NINJ2: variants seen among roughly 807,000 people sequenced by gnomAD.
The protein encoded by NINJ2 is ninjurin 2.
A neutral mutation model predicts 11.7 loss-of-function variants in NINJ2; 12 were observed. That is an observed-to-expected ratio of 1.02 (90% confidence interval 0.66 to 1.66). The LOEUF is 1.66. Among genes scored for constraint, NINJ2 ranks in the 40% most tolerant of loss-of-function variants. The pLI is 0.00. For missense variants in NINJ2, 187 were observed against 181.8 expected (o/e 1.03, Z -0.16); for synonymous variants, 93 against 76.8 (o/e 1.21, Z -1.10).
chr12:649,460 A>G (rs1275853757), intron 1 of NINJ2, among the ~76,000 whole-genome samples: 1 of 151,206 alleles, frequency 6.6e-6, no homozygotes, highest in Non-Finnish European at 1.5e-5. Flanking sequence ...CTACTTATAC[A>G]TAATAGTCAT....
intron 1 of NINJ2, among the ~76,000 whole-genome samples, chr12:574,249 C>A (rs914469012): frequency 1.3e-5 from 2 of 151,874 alleles, no homozygotes; most frequent in Admixed American, 6.6e-5. Context: ...ATAGGCCAGG[C>A]GTGGAGGGAG....
At chr12:620,882 G>C (rs964191813) in intron 1 of NINJ2, among the ~76,000 whole-genome samples, 1 of 152,068 alleles carries the variant, frequency 6.6e-6, no homozygotes, top group Non-Finnish European at 1.5e-5. Flanking sequence ...CACCCACCTC[G>C]GCCTCCCAGA....
intron 1 of NINJ2, among the ~76,000 whole-genome samples, chr12:622,431 A>G (rs1254001657): frequency 6.6e-6 from 1 of 150,910 alleles, no homozygotes; most frequent in Non-Finnish European, 1.5e-5. Context: ...AAAAAAAAAA[A>G]AAAGGAAAGA....
chr12:641,016 G>A (rs1028830454), intron 1 of NINJ2: 2 of 152,204 alleles, frequency 1.3e-5, no homozygotes, highest in East Asian at 3.8e-4. Context: ...TGTGTCTAGA[G>A]TCCTTAAGGT....
chr12:585,318 G>A lies in NINJ2; in HGVS notation c.34-19140C>T, dbSNP rs1947617055. ...GTGAGCAGATGGTAGAACTGCCCAT[G>A]CCAAGAGGGGTCCATACCAACTTCC... On this transcript the variant is annotated intron_variant, in intron 1 of 3. Coordinates refer to ENST00000305108, the MANE Select transcript of NINJ2 (RefSeq NM_016533.6). This position sits in a 1 kb window ranked among gnomAD's most constrained non-coding sequence, Gnocchi z 4.1. Among the ~76,000 whole-genome samples, 1 of 152,186 alleles carries A rather than the reference G, an allele frequency of 6.6e-6. No homozygotes were observed. Among genetic ancestry groups the A allele is most frequent in the Non-Finnish European group, 1.5e-5 (1 of 68,040 alleles).
rs1287788456 is a variant in NINJ2 at position 581,441 on chromosome 12, G to T, written c.34-15263C>A. Among the ~76,000 whole-genome samples the T allele has an allele frequency of 2.6e-5, 4 of 152,172 alleles. No individual in the cohort carries two copies. Among genetic ancestry groups the T allele is most frequent in the Non-Finnish European group, 4.4e-5 (3 of 68,018 alleles). On this transcript the variant is annotated intron_variant, in intron 1 of 3. Transcript: ENST00000305108. The surrounding 1 kb of genome is among the most constrained non-coding windows in gnomAD (Gnocchi z 4.9). Reference sequence around the variant, plus strand: ...TGCCAGCTTCAGCCAATCCAAGGAGGCCTGGGCCTGGAACCAGCCTGCCTG... The same window carrying T: ...TGCCAGCTTCAGCCAATCCAAGGAGTCCTGGGCCTGGAACCAGCCTGCCTG...
chr12:659,045 T>TTATATATAATA (rs1036619758), intron 1 of NINJ2, among the ~76,000 whole-genome samples: 4 of 140,192 alleles, frequency 2.9e-5, no homozygotes, highest in African/African-American at 1.1e-4. Context: ...CTATTATATA[T>TTATATATAATA]TATATATAAT....
At chr12:616,254 A>G (rs1413694286) in intron 1 of NINJ2, among the ~76,000 whole-genome samples, 1 of 152,234 alleles carries the variant, frequency 6.6e-6, no homozygotes, top group Non-Finnish European at 1.5e-5. Flanking sequence ...GAAGGAAGCA[A>G]AGGCCATGGT....
intron 1 of NINJ2, among the ~76,000 whole-genome samples, chr12:582,407 A>G (rs1343353290): frequency 8.0e-6 from 1 of 124,754 alleles, no homozygotes; most frequent in African/African-American, 3.3e-5. Flanking sequence ...GAATGAATGA[A>G]TGGACGCAGG....
At position 565,288 on chromosome 12, in the gene NINJ2, C is replaced by G; in HGVS notation, c.376G>C (p.Gly126Arg). The change falls in exon 3 of 4, where the codon GGG (glycine) becomes CGG (arginine). Residue 126 changes from glycine (G) to arginine (R), a missense_variant. Transcript: ENST00000305108. Reference protein sequence around the residue: ...VVINVFITAFGAHKTGFLAAR... With the variant: ...VVINVFITAFRAHKTGFLAAR... ...GCCAGGAACCCTGTTTTATGTGCCC[C>G]GAAGGCTGTAATGAAAACATTGATG... The G allele has an allele frequency of 6.2e-7, 1 of 1,614,152 alleles. No homozygotes were observed. Among genetic ancestry groups the G allele is most frequent in the South Asian group, 1.1e-5 (1 of 91,080 alleles).
chr12:615,880 G>A (rs926431672), intron 1 of NINJ2, among the ~76,000 whole-genome samples: 1 of 152,220 alleles, frequency 6.6e-6, no homozygotes, highest in African/African-American at 2.4e-5. Context: ...AATTGGCAGA[G>A]CAGTTGTGTT....
Position 565,255 on chromosome 12 carries a change from C to T in NINJ2, c.409G>A (p.Ala137Thr), listed in dbSNP as rs369495018. ...TGCATTCAGAGAGGATTCCTTGAGG[C>T]CCTGGCAGCCAGGAACCCTGTTTTA... ...AHKTGFLAAR[A>T]SRNPL The change falls in exon 3 of 4, where the codon GCC (alanine) becomes ACC (threonine). Residue 137 changes from alanine (A) to threonine (T), a missense_variant. Coordinates refer to ENST00000305108, the MANE Select transcript of NINJ2 (RefSeq NM_016533.6). 1.2e-6 allele frequency: 2 copies of T among 1,613,756 alleles called. No individual in the cohort carries two copies. Among genetic ancestry groups the T allele is most frequent in the African/African-American group, 1.3e-5 (1 of 74,930 alleles).
chr12:648,239 A>G (rs1290752556), intron 1 of NINJ2, among the ~76,000 whole-genome samples: 2 of 152,052 alleles, frequency 1.3e-5, no homozygotes, highest in Non-Finnish European at 2.9e-5. Flanking sequence ...ACACCTGGCT[A>G]ATTTTTGTTT....
At chr12:595,211 C>T (rs1041489259) in intron 1 of NINJ2, among the ~76,000 whole-genome samples, 1 of 152,052 alleles carries the variant, frequency 6.6e-6, no homozygotes, top group Non-Finnish European at 1.5e-5. Context: ...CATAGATCTG[C>T]ATGTAAAACA....
At chr12:621,183 C>T (rs1259954644) in intron 1 of NINJ2, among the ~76,000 whole-genome samples, 1 of 152,140 alleles carries the variant, frequency 6.6e-6, no homozygotes, top group Non-Finnish European at 1.5e-5. Flanking sequence ...CATGGTGATT[C>T]ACACCTGTAA....
chr12:639,288 T>TC (rs1446994774), intron 1 of NINJ2, among the ~76,000 whole-genome samples: 1 of 152,184 alleles, frequency 6.6e-6, no homozygotes, highest in African/African-American at 2.4e-5. Flanking sequence ...TATGGGGCTG[T>TC]CATTGCTCAT....
intron 1 of NINJ2, among the ~76,000 whole-genome samples, chr12:618,650 C>T (rs948529268): frequency 1.3e-5 from 2 of 152,222 alleles, no homozygotes; most frequent in Non-Finnish European, 1.5e-5. Flanking sequence ...GTCATGGCAC[C>T]AGAGCCTCGG....
At chr12:637,509 C>A (rs1183606111) in intron 1 of NINJ2, among the ~76,000 whole-genome samples, 1 of 149,236 alleles carries the variant, frequency 6.7e-6, no homozygotes, top group Non-Finnish European at 1.5e-5. Context: ...GGCATGGTGG[C>A]AGGCACCTGA....
intron 1 of NINJ2, among the ~76,000 whole-genome samples, chr12:608,607 C>T (rs1332896500): frequency 6.6e-6 from 1 of 152,236 alleles, no homozygotes; most frequent in Admixed American, 6.5e-5. Flanking sequence ...AGCCGCTGTA[C>T]CCAAGCCGTG....
Sources: allele counts gnomAD v4.1 joint callset (sites outside exome capture counted in the v4.1 genomes callset), GRCh38; gene constraint gnomAD v4.1.1; non-coding constraint Gnocchi (gnomAD v3.1); transcripts MANE v1.5; gene names NCBI Gene and HGNC (gene_info 2026-07-23, HGNC 2026-07-21).